Variants in USP9X observed in about 807,000 individuals in gnomAD.
USP9X encodes ubiquitin carboxyl-terminal hydrolase 9X.
Under a neutral mutation model 190.3 loss-of-function variants are expected in USP9X, and 7 were observed. The ratio of observed to expected loss-of-function variants is 0.04; its 90% CI spans 0.02 to 0.07. The LOEUF (loss-of-function observed/expected upper bound fraction) is 0.07, where lower values mean the gene tolerates loss of function less well. Ranked by LOEUF, USP9X falls within the 10% of genes least tolerant of loss-of-function variation. The pLI is 1.00. For missense variants in USP9X, 1,010 were observed against 1,916.9 expected (o/e 0.53, Z 8.83); for synonymous variants, 645 against 659.5 (o/e 0.98, Z 0.34).
chrX:41,114,783 C>G (rs1436855333), intron 1 of USP9X, among the ~76,000 whole-genome samples: 1 of 110,366 alleles, frequency 9.1e-6, no homozygotes, highest in Non-Finnish European at 1.9e-5. Context: ...ACCACCCCTT[C>G]TGAGTTTCTT....
At chrX:41,091,588 A>G (rs1182293547) in intron 1 of USP9X, among the ~76,000 whole-genome samples, 1 of 112,459 alleles carries the variant, frequency 8.9e-6, no homozygotes, top group Non-Finnish European at 1.9e-5. Context: ...TTGGATGAAT[A>G]TAGTTTATCA....
At chrX:41,096,050 C>T (rs2061988671) in intron 1 of USP9X, among the ~76,000 whole-genome samples, 2 of 112,201 alleles carry the variant, frequency 1.8e-5, no homozygotes, top group Admixed American at 9.4e-5. Context: ...TTCCTGCCAC[C>T]TCCAATTCCC....
intron 23 of USP9X, among the ~76,000 whole-genome samples, chrX:41,185,938 GTA>G (rs1284495566): frequency 1.8e-5 from 2 of 109,833 alleles, no homozygotes; most frequent in African/African-American, 6.6e-5. Flanking sequence ...AATATTTACA[GTA>G]TATATATATA....
At chrX:41,153,525 G>A (rs984249599) in intron 14 of USP9X, among the ~76,000 whole-genome samples, 1 of 112,442 alleles carries the variant, frequency 8.9e-6, no homozygotes, top group Admixed American at 9.4e-5. Flanking sequence ...AGAGATGAGA[G>A]GCTGGCTGTA....
At chrX:41,209,158 TTAATCTC>T (rs1480192361) in intron 32 of USP9X, among the ~76,000 whole-genome samples, 1 of 111,965 alleles carries the variant, frequency 8.9e-6, no homozygotes, top group African/African-American at 3.2e-5. Context: ...ATAACGATTT[TTAATCTC>T]TAATATTCAT....
chrX:41,104,055 G>T (rs1029916979), intron 1 of USP9X, among the ~76,000 whole-genome samples: 3 of 111,007 alleles, frequency 2.7e-5, no homozygotes, highest in Non-Finnish European at 5.7e-5. Context: ...CTTCTAGAAG[G>T]TAAGATACCA....
chrX:41,187,979 C>T lies in USP9X; in HGVS notation c.3685-13C>T, dbSNP rs749324609. On this transcript the variant is annotated splice_polypyrimidine_tract_variant and intron_variant, in intron 24 of 44. Coordinates refer to ENST00000378308, the MANE Select transcript of USP9X (RefSeq NM_001039591.3). ...CATTCTATCAACAGTTCTATTTACT[C>T]GTTATCTTGCAGGCTTCAAGATATA... 65 of 1,197,422 alleles carry T rather than the reference C, an allele frequency of 5.4e-5. No individual in the cohort carries two copies. In the East Asian group the frequency reaches 8.6e-4, roughly 16 times the overall value.
intron 21 of USP9X, among the ~76,000 whole-genome samples, chrX:41,178,772 A>G (rs1017634706): frequency 8.9e-6 from 1 of 111,774 alleles, no homozygotes; most frequent in African/African-American, 3.3e-5. Context: ...GTCTTAGCCA[A>G]AAAGTCCTTG....
intron 1 of USP9X, among the ~76,000 whole-genome samples, chrX:41,114,047 T>C (rs890675354): frequency 7.1e-5 from 8 of 112,745 alleles, no homozygotes; most frequent in African/African-American, 2.6e-4. Flanking sequence ...GCTACTGCGA[T>C]GAGTTTGTTG....
chrX:41,147,418 T>C (rs2062477361), intron 11 of USP9X, among the ~76,000 whole-genome samples: 3 of 108,556 alleles, frequency 2.8e-5, no homozygotes, highest in South Asian at 8.0e-4. Context: ...ATAATTCCAT[T>C]GAACTAATCT....
intron 1 of USP9X, among the ~76,000 whole-genome samples, chrX:41,110,833 G>A (rs2062103618): frequency 9.0e-6 from 1 of 111,622 alleles, no homozygotes; most frequent in Admixed American, 9.6e-5. Flanking sequence ...GCCATTCAAG[G>A]TTTTAGAGAT....
At chrX:41,096,583 A>C (rs917438976) in intron 1 of USP9X, among the ~76,000 whole-genome samples, 3 of 111,365 alleles carry the variant, frequency 2.7e-5, no homozygotes, top group African/African-American at 9.8e-5. Flanking sequence ...GCTTAGGATT[A>C]CAGGCACCAC....
Position 41,150,973 on chromosome X carries a change from G to A in USP9X, c.1679G>A (p.Arg560His), listed in dbSNP as rs764607230. 8.3e-7 allele frequency: 1 copy of A among 1,205,765 alleles called. No homozygotes were observed. ...ATAGATCGCTTTATAGAAGAACTTCGCACAAATGACAAATGGGTTATTCCC... is the reference window on the plus strand; with the variant it reads ...ATAGATCGCTTTATAGAAGAACTTCACACAAATGACAAATGGGTTATTCCC... ...QWIDRFIEEL[R>H]TNDKWVIPAL... The change falls in exon 13 of 45, where the codon CGC becomes CAC. Residue 560 changes from arginine (R) to histidine (H), a missense_variant. Physicochemically the swap from Arg to His is conservative, Grantham distance 29 (BLOSUM62 0). This residue lies in a region of USP9X where 104 missense variants were observed against 239.8 expected (regional missense o/e 0.43). Transcript: ENST00000378308.
chrX:41,119,329 AAAC>A (rs1046513140), intron 1 of USP9X, among the ~76,000 whole-genome samples: 8 of 110,946 alleles, frequency 7.2e-5, no homozygotes, highest in African/African-American at 2.3e-4. Flanking sequence ...CTGGGTCTCA[AAAC>A]AACAACAACA....
intron 27 of USP9X, 56 bp from the exon 28 acceptor site, chrX:41,196,533 TAAA>T (rs2062985976): frequency 8.5e-7 from 1 of 1,180,445 alleles, no homozygotes; most frequent in African/African-American, 1.8e-5. Context: ...TCTGGGTTTT[TAAA>T]AAAGTGGATT....
At chrX:41,179,260 T>G (rs1234181406) in intron 21 of USP9X, among the ~76,000 whole-genome samples, 2 of 112,131 alleles carry the variant, frequency 1.8e-5, no homozygotes, top group African/African-American at 3.2e-5. Context: ...CCTTGCAGAT[T>G]CACCTCAAAG....
chrX:41,179,433 T>A (rs759791474), intron 21 of USP9X, among the ~76,000 whole-genome samples: 1 of 112,122 alleles, frequency 8.9e-6, no homozygotes, highest in Non-Finnish European at 1.9e-5. Context: ...GTTCGTTCTT[T>A]CATCAGTTTT....
chrX:41,162,088 G>C (rs1471455214), intron 14 of USP9X, among the ~76,000 whole-genome samples: 1 of 111,711 alleles, frequency 9.0e-6, no homozygotes, highest in Non-Finnish European at 1.9e-5. Context: ...CAGACATTAT[G>C]AATGTCCCAT....
intron 14 of USP9X, among the ~76,000 whole-genome samples, chrX:41,154,365 A>G (rs1463806047): frequency 8.9e-6 from 1 of 112,011 alleles, no homozygotes; most frequent in Non-Finnish European, 1.9e-5. Flanking sequence ...GGTTTAGTAT[A>G]TTATGATTAT....
Sources: gnomAD v4.1 joint callset for allele counts (sites outside exome capture counted in the v4.1 genomes callset) on GRCh38, gnomAD v4.1.1 for gene constraint, gnomAD v4.1.1 regional missense constraint, MANE v1.5 for transcripts, NCBI Gene and HGNC (gene_info 2026-07-23, HGNC 2026-07-21) for gene names.